The following SYT1 variants were observed in gnomAD, a reference collection of about 807,000 sequenced individuals.
SYT1 encodes synaptotagmin-1.
In SYT1, 8 loss-of-function variants were observed where a neutral mutation model predicts 44.8. The ratio of observed to expected loss-of-function variants is 0.18; its 90% confidence interval spans 0.10 to 0.32. SYT1 has a LOEUF of 0.32. SYT1 is among the 10% of genes least tolerant of loss of function. SYT1 has a pLI of 1.00. For missense variants in SYT1, 286 were observed against 509.3 expected (o/e 0.56, Z 4.22); for synonymous variants, 154 against 188.8 (o/e 0.82, Z 1.51).
chr12:78,997,280 C>A (rs1035809124), intron 2 of SYT1, among the ~76,000 whole-genome samples: 14 of 152,172 alleles, frequency 9.2e-5, no homozygotes, highest in Non-Finnish European at 1.8e-4. Flanking sequence ...GCAGTTCTCA[C>A]TTAGAAGGAC....
intron 3 of SYT1, among the ~76,000 whole-genome samples, chr12:79,138,101 T>C (rs1278979475): frequency 6.6e-6 from 1 of 152,216 alleles, no homozygotes; most frequent in Non-Finnish European, 1.5e-5. Context: ...TGATCTTGCC[T>C]CTAACCCATA....
At chr12:79,425,067 T>G (rs2136165562) in intron 9 of SYT1, among the ~76,000 whole-genome samples, 1 of 151,530 alleles carries the variant, frequency 6.6e-6, no homozygotes, top group South Asian at 2.1e-4. Flanking sequence ...AAGCCAAATG[T>G]TACCCCAAAG....
intron 8 of SYT1, among the ~76,000 whole-genome samples, chr12:79,320,909 C>G (rs2138977257): frequency 6.6e-6 from 1 of 152,132 alleles, no homozygotes; most frequent in Non-Finnish European, 1.5e-5. Context: ...GTGTGAGCCA[C>G]CACACCTGGC....
chr12:79,142,874 G>C (rs1035986151), intron 3 of SYT1, among the ~76,000 whole-genome samples: 1 of 152,164 alleles, frequency 6.6e-6, no homozygotes, highest in African/African-American at 2.4e-5. Context: ...GTCTGCTGCA[G>C]AATGCTTGGA....
intron 7 of SYT1, among the ~76,000 whole-genome samples, chr12:79,297,231 T>A (rs1879919171): frequency 6.6e-6 from 1 of 152,266 alleles, no homozygotes; most frequent in East Asian, 1.9e-4. Flanking sequence ...AGTAATCTTA[T>A]TTAAAATCTG....
intron 9 of SYT1, among the ~76,000 whole-genome samples, chr12:79,417,249 A>G (rs183886074): frequency 2.0e-5 from 3 of 152,258 alleles, no homozygotes; most frequent in East Asian, 3.9e-4. Flanking sequence ...TCTGTTTGCT[A>G]GTTGATTGCT....
chr12:79,307,515 A>G (rs1880455368), intron 8 of SYT1, among the ~76,000 whole-genome samples: 1 of 151,724 alleles, frequency 6.6e-6, no homozygotes, highest in Non-Finnish European at 1.5e-5. Context: ...GGCGGGGCTG[A>G]GGCTGGAGTC....
At chr12:79,305,789 C>T (rs1441504630) in intron 8 of SYT1, among the ~76,000 whole-genome samples, 2 of 152,140 alleles carry the variant, frequency 1.3e-5, no homozygotes, top group African/African-American at 2.4e-5. Context: ...CCCCGCCTCC[C>T]GGGTTCAAGC....
intron 4 of SYT1, among the ~76,000 whole-genome samples, chr12:79,275,459 G>A (rs1195924954): frequency 6.6e-6 from 1 of 152,070 alleles, no homozygotes; most frequent in Admixed American, 6.5e-5. Context: ...CTTGCAAGAG[G>A]GGTGGAGTTC....
intron 3 of SYT1, among the ~76,000 whole-genome samples, chr12:79,086,318 C>T (rs1188447374): frequency 6.6e-6 from 1 of 152,086 alleles, no homozygotes; most frequent in East Asian, 1.9e-4. Context: ...CGTCATTTTT[C>T]CTACTTTCCT....
At chr12:79,220,227 A>G (rs1875073248) in intron 4 of SYT1, among the ~76,000 whole-genome samples, 1 of 151,996 alleles carries the variant, frequency 6.6e-6, no homozygotes, top group Non-Finnish European at 1.5e-5. Flanking sequence ...TAAGAGTCCC[A>G]TGAGCCTTTG....
At chr12:79,091,803 T>G (rs1287403992) in intron 3 of SYT1, among the ~76,000 whole-genome samples, 1 of 151,948 alleles carries the variant, frequency 6.6e-6, no homozygotes, top group African/African-American at 2.4e-5. Flanking sequence ...AAGTCATAAT[T>G]TTTCTCTCTC....
intron 1 of SYT1, among the ~76,000 whole-genome samples, chr12:78,891,181 T>C (rs930560838): frequency 6.6e-6 from 1 of 151,868 alleles, no homozygotes; most frequent in Non-Finnish European, 1.5e-5. Flanking sequence ...ACTGGCAAGA[T>C]TTTAGGAGGG....
chr12:79,253,991 A>G lies in SYT1; in HGVS notation c.167-31796A>G, dbSNP rs550785529. On this transcript the variant is annotated intron_variant, in intron 4 of 10. Transcript: ENST00000261205. ...GTTGGTTCATGAAGTTTAAGGAAAG[A>G]AGTTGCCTCCAGACCATCAAAGTGC... Among the ~76,000 whole-genome samples the G allele has an allele frequency of 7.2e-5, 11 of 152,296 alleles. No homozygotes were observed. The South Asian group carries it at 1.9e-3, about 26-fold the overall frequency.
rs548356010 is a variant in SYT1 at position 79,015,039 on chromosome 12, C to T, written c.-83-32258C>T. Among the ~76,000 whole-genome samples, 320 of 150,610 alleles carry T rather than the reference C, an allele frequency of 2.1e-3. 2 individuals carry two copies. The Middle Eastern group carries it at 0.045, about 21-fold the overall frequency. On this transcript the variant is annotated intron_variant, in intron 2 of 10. Coordinates refer to ENST00000261205, the MANE Select transcript of SYT1 (RefSeq NM_005639.3). ...GAACACATGGACACAGGAAGGGGAA[C>T]ATCACACTCTGGGGACTGTTGTAGG...
chr12:78,929,920 G>T lies in SYT1; in HGVS notation c.-216-47879G>T, dbSNP rs140586229. Among the ~76,000 whole-genome samples, 1,113 of 152,242 alleles carry T rather than the reference G, an allele frequency of 7.3e-3. 3 individuals carry two copies. The highest frequency in any genetic ancestry group is 0.012 in the Non-Finnish European group (846 of 67,994). ...TAGTGAGTAGGACCATTTGTAAAATGATGAGAACAAAATTCAATAAAGAAA... is the reference window on the plus strand; with the variant it reads ...TAGTGAGTAGGACCATTTGTAAAATTATGAGAACAAAATTCAATAAAGAAA... On this transcript the variant is annotated intron_variant, in intron 1 of 10. Coordinates refer to ENST00000261205, the MANE Select transcript of SYT1 (RefSeq NM_005639.3).
At chr12:79,350,938 A>G (rs1882872632) in intron 8 of SYT1, among the ~76,000 whole-genome samples, 1 of 152,216 alleles carries the variant, frequency 6.6e-6, no homozygotes, top group Non-Finnish European at 1.5e-5. Flanking sequence ...CAGAAGTAAT[A>G]AAATGCTAAA....
At chr12:79,154,840 G>A (rs1592798974) in intron 3 of SYT1, among the ~76,000 whole-genome samples, 2 of 151,928 alleles carry the variant, frequency 1.3e-5, no homozygotes, top group Admixed American at 1.3e-4. Context: ...GGTTTTGGGG[G>A]AAAAAAATGC....
At chr12:79,444,012 A>C in intron 9 of SYT1, 61 bp from the exon 10 acceptor site, 1 of 1,559,558 alleles carries the variant, frequency 6.4e-7, no homozygotes, top group Non-Finnish European at 8.7e-7. Context: ...TTATAAGCTA[A>C]CTTATAATCT....
Sources: allele counts gnomAD v4.1 joint callset (sites outside exome capture counted in the v4.1 genomes callset), GRCh38; gene constraint gnomAD v4.1.1; transcripts MANE v1.5; gene names NCBI Gene and HGNC (gene_info 2026-07-23, HGNC 2026-07-21).